Variants in RAB12 observed in about 807,000 individuals in gnomAD.
RAB12 encodes RAB12, member RAS oncogene family.
RAB12 carries 11 observed loss-of-function variants against 28.4 expected under a neutral mutation model. That is an observed-to-expected ratio of 0.39 (90% CI 0.24 to 0.64). RAB12 has a LOEUF of 0.64. Among genes scored for constraint, RAB12 ranks in the 30% least tolerant of loss-of-function variants. The pLI, the probability that RAB12 is intolerant of heterozygous loss-of-function variation, is 0.50. For missense variants in RAB12, 276 were observed against 351.1 expected, an observed-to-expected ratio of 0.79 and a Z score of 1.71; for synonymous variants, 138 against 145.3, an observed-to-expected ratio of 0.95 and a Z score of 0.36.
intron 1 of RAB12, among the ~76,000 whole-genome samples, chr18:8,619,621 A>G (rs1164030367): frequency 6.6e-6 from 1 of 152,034 alleles, no homozygotes; most frequent in Non-Finnish European, 1.5e-5. Context: ...ATAACCTTTC[A>G]TTGTGGGCAG....
At chr18:8,637,879 T>G (rs145601139) in intron 5 of RAB12, among the ~76,000 whole-genome samples, 222 of 152,232 alleles carry the variant, frequency 1.5e-3, no homozygotes, top group African/African-American at 5.2e-3. Flanking sequence ...TTAGTGGAAG[T>G]GGATCATCAT....
intron 1 of RAB12, among the ~76,000 whole-genome samples, chr18:8,622,311 G>A (rs1030894859): frequency 2.0e-5 from 3 of 152,152 alleles, no homozygotes; most frequent in African/African-American, 7.2e-5. Context: ...ATAGAATATT[G>A]GGGAACCTGC....
chr18:8,635,916 G>T, intron 4 of RAB12: 1 of 420,802 alleles, frequency 2.4e-6, no homozygotes, highest in Non-Finnish European at 4.2e-6. Context: ...TTACTTTAAC[G>T]TACTTTAAAC....
intron 1 of RAB12, among the ~76,000 whole-genome samples, chr18:8,620,521 C>T (rs983932639): frequency 8.6e-5 from 13 of 151,664 alleles, no homozygotes; most frequent in African/African-American, 2.2e-4. Context: ...GGCACCCCTG[C>T]GTTCACTGCT....
chr18:8,609,508 C>CGGAGGAGGA lies in RAB12; in HGVS notation c.78_86dup (p.Gly27_Gly29dup). 6.7e-6 allele frequency: 1 copy of CGGAGGAGGA among 150,158 alleles called. No individual in the cohort carries two copies. The highest frequency in any genetic ancestry group is 1.8e-4 in the South Asian group (1 of 5,596). 9.3% of individuals were successfully genotyped at this position (150,158 alleles called of 1,614,324 possible). A position where few individuals can be genotyped will look rare whatever the true frequency, so the allele number is the denominator to read the frequency against. ...CTCCCGGCGGCGGCGGCGGCAGCGG[C>CGGAGGAGGA]GGAGGAGGAGGAGGAGGGGACCCGG... On this transcript the variant is annotated inframe_insertion, in exon 1 of 6. Coordinates refer to ENST00000649141, the MANE Select transcript of RAB12 (RefSeq NM_001025300.3).
At chr18:8,618,837 G>A (rs529873145) in intron 1 of RAB12, among the ~76,000 whole-genome samples, 29 of 152,302 alleles carry the variant, frequency 1.9e-4, no homozygotes, top group Admixed American at 1.5e-3. Context: ...TATATGGGAC[G>A]AGAATTCATT....
chr18:8,616,757 C>CAAAA (rs71165794), intron 1 of RAB12, among the ~76,000 whole-genome samples: 2 of 128,638 alleles, frequency 1.6e-5, no homozygotes, highest in Non-Finnish European at 3.4e-5. Context: ...CCCATCTCCA[C>CAAAA]AAAAAAAAAA....
At chr18:8,612,602 C>T (rs971387098) in intron 1 of RAB12, among the ~76,000 whole-genome samples, 1 of 152,226 alleles carries the variant, frequency 6.6e-6, no homozygotes, top group Non-Finnish European at 1.5e-5. Flanking sequence ...CAAGATGGGT[C>T]ACTAGAGTGG....
At chr18:8,624,445 GTT>G (rs2096011593) in intron 1 of RAB12, among the ~76,000 whole-genome samples, 2 of 152,256 alleles carry the variant, frequency 1.3e-5, no homozygotes, top group South Asian at 4.1e-4. Context: ...ATAATGTTAT[GTT>G]TATATTTACC....
intron 3 of RAB12, among the ~76,000 whole-genome samples, 173 bp downstream of exon 3, chr18:8,633,500 AAAG>A (rs1057356759): frequency 1.5e-4 from 23 of 152,190 alleles, no homozygotes; most frequent in Non-Finnish European, 2.8e-4. Flanking sequence ...TGGATGAGGC[AAAG>A]AAGAATTAAA....
intron 1 of RAB12, among the ~76,000 whole-genome samples, chr18:8,621,640 CA>C (rs751071626): frequency 1.3e-4 from 20 of 151,812 alleles, no homozygotes; most frequent in Admixed American, 2.6e-4. Context: ...ATTTTAGGGT[CA>C]GGGGGTACAT....
At chr18:8,638,073 A>G (rs1359780858) in intron 5 of RAB12, 76 bp from the exon 6 acceptor site, 25 of 894,268 alleles carry the variant, frequency 2.8e-5, no homozygotes, top group Non-Finnish European at 4.4e-5. Context: ...TGCAGTTGAA[A>G]CTCATGTTCA....
At chr18:8,634,084 T>C (rs988897011) in intron 3 of RAB12, among the ~76,000 whole-genome samples, 2 of 152,162 alleles carry the variant, frequency 1.3e-5, no homozygotes, top group African/African-American at 2.4e-5. Flanking sequence ...CTAGATAACA[T>C]TGGAGAATGT....
chr18:8,636,147 C>A, intron 4 of RAB12, 106 bp from the exon 5 acceptor site: 2 of 731,624 alleles, frequency 2.7e-6, no homozygotes, highest in South Asian at 1.5e-5. Flanking sequence ...GGACTTTCTA[C>A]CCCTTAATCC....
At chr18:8,628,873 T>C (rs1220171575) in intron 2 of RAB12, among the ~76,000 whole-genome samples, 1 of 152,192 alleles carries the variant, frequency 6.6e-6, no homozygotes, top group Non-Finnish European at 1.5e-5. Flanking sequence ...TGAATGTGAA[T>C]GGAAGTGCAT....
chr18:8,613,829 AAGT>A (rs3050584), intron 1 of RAB12, among the ~76,000 whole-genome samples: 22,676 of 148,644 alleles, frequency 0.15, 1,912 homozygotes, highest in South Asian at 0.22. Context: ...CTATAAATAG[AAGT>A]AGTAGTAGTA....
Position 8,623,862 on chromosome 18 carries a change from C to A in RAB12, c.515-1076C>A, listed in dbSNP as rs1436087986. 2.6e-5 allele frequency among the ~76,000 whole-genome samples: 4 copies of A among 152,384 alleles called. No individual in the cohort carries two copies. In the East Asian group the frequency reaches 7.7e-4, roughly 29 times the overall value. On this transcript the variant is annotated intron_variant, in intron 1 of 5. Transcript: ENST00000649141. The stretch of plus-strand genomic sequence containing the variant: ...AGGAGGGCTGCCTCCCTGGCCACAC[C>A]CTGCCCCAGGGCTGTAAACATGCCT...
intron 1 of RAB12, among the ~76,000 whole-genome samples, chr18:8,618,181 G>C (rs543558567): frequency 1.3e-5 from 2 of 152,080 alleles, no homozygotes; most frequent in Non-Finnish European, 1.5e-5. Flanking sequence ...CAAGTGCAAG[G>C]CTGTCTCCTT....
At chr18:8,612,291 T>C (rs2096004271) in intron 1 of RAB12, among the ~76,000 whole-genome samples, 1 of 152,244 alleles carries the variant, frequency 6.6e-6, no homozygotes, top group Non-Finnish European at 1.5e-5. Context: ...TGTTTGAAGA[T>C]AAGTTTGTTC....
Sources: gnomAD v4.1 joint callset for allele counts (sites outside exome capture counted in the v4.1 genomes callset) on GRCh38, gnomAD v4.1.1 for gene constraint, MANE v1.5 for transcripts, NCBI Gene and HGNC (gene_info 2026-07-23, HGNC 2026-07-21) for gene names.